Variants in TP63 observed in about 807,000 individuals in gnomAD.
TP63 encodes the protein tumor protein 63.
In TP63, 17 loss-of-function variants were observed where a neutral mutation model predicts 82.8. The observed-to-expected ratio is 0.21, with a 90% CI of 0.14 to 0.31. The LOEUF (loss-of-function observed/expected upper bound fraction) is 0.31, where lower values mean the gene tolerates loss of function less well. Among genes scored for constraint, TP63 ranks in the 10% least tolerant of loss-of-function variants. TP63 has a pLI of 1.00. For synonymous variants in TP63, 330 were observed against 321.7 expected (o/e 1.03, Z -0.28); for missense variants, 648 against 895.3 (o/e 0.72, Z 3.52).
At chr3:189,670,864 G>A (rs1319306704) in intron 1 of TP63, among the ~76,000 whole-genome samples, 1 of 151,930 alleles carries the variant, frequency 6.6e-6, no homozygotes, top group African/African-American at 2.4e-5. Context: ...ACCTTTCCCT[G>A]GTCATATATG....
At chr3:189,881,068 C>T (rs1719859589) in intron 10 of TP63, 2 of 985,356 alleles carry the variant, frequency 2.0e-6, no homozygotes, top group South Asian at 9.4e-5. Flanking sequence ...ATTTGAAGCC[C>T]TCTCACAAAA....
intron 1 of TP63, among the ~76,000 whole-genome samples, chr3:189,732,939 A>G (rs1198006461): frequency 1.3e-5 from 2 of 152,214 alleles, no homozygotes; most frequent in Non-Finnish European, 2.9e-5. Flanking sequence ...ATTATACTTA[A>G]ATTAGGAACT....
rs533318102 is a variant in TP63, at chr3:189,647,543, A to G, written c.62+15966A>G. Among the ~76,000 whole-genome samples the G allele has an allele frequency of 4.8e-5, 7 of 146,594 alleles. 1 individual carries two copies. The highest frequency in any genetic ancestry group is 8.9e-5 in the Non-Finnish European group (6 of 67,212). On this transcript the variant is annotated intron_variant, in intron 1 of 13. Coordinates refer to ENST00000264731, the MANE Select transcript of TP63 (RefSeq NM_003722.5). ...AGGGTTGACAGAGGATCCGTTGATT[A>G]TATTTATCTGGAAAGCCATTGCAAG...
chr3:189,772,228 C>T (rs1462831542), intron 3 of TP63, among the ~76,000 whole-genome samples: 1 of 152,240 alleles, frequency 6.6e-6, no homozygotes, highest in African/African-American at 2.4e-5. Flanking sequence ...TATTCACTCA[C>T]TTAGAATGTC....
chr3:189,812,935 A>G (rs192965039), intron 4 of TP63, among the ~76,000 whole-genome samples: 14 of 152,246 alleles, frequency 9.2e-5, no homozygotes, highest in African/African-American at 3.1e-4. Flanking sequence ...GGACTGTGAT[A>G]CTATCCACTA....
chr3:189,768,771 T>C (rs1002137675), intron 3 of TP63, among the ~76,000 whole-genome samples: 3 of 152,074 alleles, frequency 2.0e-5, no homozygotes, highest in African/African-American at 7.2e-5. Flanking sequence ...GGCAGGTGGG[T>C]GCCATAGTGA....
At chr3:189,637,974 G>A (rs1711508740) in intron 1 of TP63, among the ~76,000 whole-genome samples, 1 of 152,112 alleles carries the variant, frequency 6.6e-6, no homozygotes, top group Non-Finnish European at 1.5e-5. Flanking sequence ...TTTTGAAAGT[G>A]GAAGTGGGTC....
chr3:189,718,142 A>G (rs1191274352), intron 1 of TP63, among the ~76,000 whole-genome samples: 4 of 152,286 alleles, frequency 2.6e-5, no homozygotes, highest in South Asian at 4.2e-4. Flanking sequence ...GTGTGGAGAA[A>G]ACTCCTAGGG....
At chr3:189,626,151 G>C in the TP63 span, among the ~76,000 whole-genome samples, 1 of 152,132 alleles carries the variant, frequency 6.6e-6, no homozygotes, top group African/African-American at 2.4e-5. Context: ...TCTAGGCCCA[G>C]CTTTACTCCT....
At chr3:189,881,619 A>T (rs900564920) in intron 10 of TP63, 37 of 741,564 alleles carry the variant, frequency 5.0e-5, no homozygotes, top group Non-Finnish European at 6.1e-5. Flanking sequence ...TAGAATCATC[A>T]CTTTGTTCCT....
intron 1 of TP63, among the ~76,000 whole-genome samples, chr3:189,708,021 G>A (rs908022829): frequency 3.9e-5 from 6 of 151,978 alleles, no homozygotes; most frequent in South Asian, 4.1e-4. Flanking sequence ...ATTCCATGTC[G>A]TTCCATTGCC....
At position 189,894,614 on chromosome 3, in the gene TP63, T is replaced by C. The variant is rs1721338151; in HGVS notation, c.*112T>C. On this transcript the variant is annotated 3_prime_UTR_variant, in exon 14 of 14. Transcript: ENST00000264731. Reference sequence around the variant, plus strand: ...AGCTCCTCCCCTTCCTCTTGTCTGATTTCTTAGGGGAAGGAGAAGTAAGAG... The same window carrying C: ...AGCTCCTCCCCTTCCTCTTGTCTGACTTCTTAGGGGAAGGAGAAGTAAGAG... 7.6e-7 allele frequency: 1 copy of C among 1,324,036 alleles called. No individual in the cohort carries two copies. Among genetic ancestry groups the C allele is most frequent in the East Asian group, 2.5e-5 (1 of 39,916 alleles). 82.0% of individuals were successfully genotyped at this position (1,324,036 alleles called of 1,614,324 possible). A position where few individuals can be genotyped will look rare whatever the true frequency, so the allele number is the denominator to read the frequency against.
At chr3:189,858,972 G>A (rs1294924043) in intron 4 of TP63, among the ~76,000 whole-genome samples, 1 of 152,076 alleles carries the variant, frequency 6.6e-6, no homozygotes, top group Non-Finnish European at 1.5e-5. Context: ...AAGGGGACAC[G>A]GGGTGAGGGG....
chr3:189,635,147 T>G (rs1346234742), intron 1 of TP63, among the ~76,000 whole-genome samples: 3 of 152,150 alleles, frequency 2.0e-5, no homozygotes, highest in African/African-American at 4.8e-5. Flanking sequence ...TTGTTTCTTC[T>G]TAGTCATCCT....
At chr3:189,621,738 G>T in the TP63 span, among the ~76,000 whole-genome samples, 1 of 151,820 alleles carries the variant, frequency 6.6e-6, no homozygotes, top group Non-Finnish European at 1.5e-5. Flanking sequence ...GAAAATATTT[G>T]TTGCAATTAT....
intron 5 of TP63, 42 bp from the exon 6 acceptor site, chr3:189,866,640 T>C: frequency 6.5e-7 from 1 of 1,549,818 alleles, no homozygotes; most frequent in Middle Eastern, 1.7e-4. Flanking sequence ...TCTTTATTTT[T>C]AAGGTAAAGA....
At chr3:189,802,808 G>A (rs1463714781) in intron 3 of TP63, among the ~76,000 whole-genome samples, 1 of 152,112 alleles carries the variant, frequency 6.6e-6, no homozygotes, top group Non-Finnish European at 1.5e-5. Flanking sequence ...TGGGAATACT[G>A]TTGTATCTTG....
intron 1 of TP63, among the ~76,000 whole-genome samples, chr3:189,652,793 G>C (rs552217671): frequency 6.8e-6 from 1 of 146,672 alleles, no homozygotes; most frequent in Non-Finnish European, 1.5e-5. Flanking sequence ...ATGATAGTGA[G>C]TTTGTTTTCA....
In TP63 at chr3:189,649,856, T is replaced by C. The variant is rs1712744331; in HGVS notation, c.62+18279T>C. Among the ~76,000 whole-genome samples, 2 of 146,536 alleles carry C rather than the reference T, an allele frequency of 1.4e-5. 1 individual carries two copies. The highest frequency in any genetic ancestry group is 3.0e-5 in the Non-Finnish European group (2 of 67,188). ...CAGGGAAATAGGAGAAGAGAGCAAC[T>C]GATGAGGAACAGGGATGTGACGTGT... On this transcript the variant is annotated intron_variant, in intron 1 of 13. Transcript: ENST00000264731.
Sources: gnomAD v4.1 joint callset for allele counts (sites outside exome capture counted in the v4.1 genomes callset) on GRCh38, gnomAD v4.1.1 for gene constraint, MANE v1.5 for transcripts, NCBI Gene and HGNC (gene_info 2026-07-23, HGNC 2026-07-21) for gene names.